Variants in GNAI1 observed in about 807,000 individuals in gnomAD.
GNAI1 encodes guanine nucleotide-binding protein G(i) subunit alpha-1.
In GNAI1, 11 loss-of-function variants were observed where a neutral mutation model predicts 38.9. The ratio of observed to expected loss-of-function variants is 0.28; its 90% confidence interval spans 0.18 to 0.47. The LOEUF (loss-of-function observed/expected upper bound fraction) is 0.47. GNAI1 is among the 20% of genes least tolerant of loss of function. GNAI1 has a pLI of 0.99. For missense variants in GNAI1, 317 were observed against 436.9 expected (o/e 0.73, Z 2.45); for synonymous variants, 166 against 145.1 (o/e 1.14, Z -1.04).
intron 1 of GNAI1, among the ~76,000 whole-genome samples, chr7:80,158,353 T>A (rs1787855226): frequency 6.6e-6 from 1 of 152,184 alleles, no homozygotes; most frequent in South Asian, 2.1e-4. Context: ...CTTATGAAAT[T>A]CTTGTTTTCT....
At chr7:80,165,631 T>G (rs1308820834) in intron 1 of GNAI1, among the ~76,000 whole-genome samples, 5 of 152,220 alleles carry the variant, frequency 3.3e-5, no homozygotes, top group Non-Finnish European at 5.9e-5. Flanking sequence ...CTTGTGAAAT[T>G]GAACATACTG....
intron 1 of GNAI1, among the ~76,000 whole-genome samples, chr7:80,170,768 C>T (rs1788087235): frequency 6.6e-6 from 1 of 152,124 alleles, no homozygotes; most frequent in African/African-American, 2.4e-5. Context: ...AGTCACCTTC[C>T]ACCAGCTCCA....
chr7:80,178,892 C>T (rs879267395), intron 1 of GNAI1, among the ~76,000 whole-genome samples: 2 of 152,054 alleles, frequency 1.3e-5, no homozygotes, highest in Non-Finnish European at 2.9e-5. Flanking sequence ...TCTCAAATTA[C>T]GATGTAGAAT....
intron 1 of GNAI1, among the ~76,000 whole-genome samples, chr7:80,144,410 G>A (rs1787582005): frequency 6.6e-6 from 1 of 152,102 alleles, no homozygotes; most frequent in South Asian, 2.1e-4. Context: ...GATTATAACG[G>A]ATTTACTTTT....
At chr7:80,138,099 G>T (rs779391405) in intron 1 of GNAI1, among the ~76,000 whole-genome samples, 6 of 152,098 alleles carry the variant, frequency 3.9e-5, no homozygotes, top group Non-Finnish European at 7.4e-5. Context: ...ACATTAGATC[G>T]TGTTCATCTT....
intron 1 of GNAI1, among the ~76,000 whole-genome samples, chr7:80,186,190 G>A (rs767692227): frequency 1.1e-4 from 16 of 151,830 alleles, no homozygotes; most frequent in Admixed American, 3.9e-4. Flanking sequence ...CTACCACCAC[G>A]CCCAGTTAAT....
intron 1 of GNAI1, among the ~76,000 whole-genome samples, chr7:80,153,926 ATTAT>A (rs568787719): frequency 4.8e-4 from 73 of 152,074 alleles, no homozygotes; most frequent in African/African-American, 1.7e-3. Flanking sequence ...AAATTAATTA[ATTAT>A]TTATTTATTT....
chr7:80,146,593 C>T (rs1292742356), intron 1 of GNAI1, among the ~76,000 whole-genome samples: 1 of 151,990 alleles, frequency 6.6e-6, no homozygotes, highest in Non-Finnish European at 1.5e-5. Flanking sequence ...AATTTTGAAT[C>T]TTTCAAAATG....
chr7:80,135,065 T>G lies in GNAI1; in HGVS notation c.-96T>G. The G allele has an allele frequency of 6.5e-6, 5 of 773,412 alleles. No homozygotes were observed. Among genetic ancestry groups the G allele is most frequent in the Non-Finnish European group, 9.3e-6 (5 of 540,394 alleles). 47.9% of individuals were successfully genotyped at this position (773,412 alleles called of 1,614,324 possible). A position where few individuals can be genotyped will look rare whatever the true frequency, so the allele number is the denominator to read the frequency against. ...GCGGCGTGGCCCCCGTCGGGAGGCGTTCGAACGCCCGCTAGGAGAGAGAAA... is the reference window on the plus strand; with the variant it reads ...GCGGCGTGGCCCCCGTCGGGAGGCGGTCGAACGCCCGCTAGGAGAGAGAAA... On this transcript the variant is annotated 5_prime_UTR_variant, in exon 1 of 8. Coordinates refer to ENST00000649796, the MANE Select transcript of GNAI1 (RefSeq NM_002069.6).
chr7:80,165,012 C>T (rs73378656), intron 1 of GNAI1, among the ~76,000 whole-genome samples: 4,417 of 152,176 alleles, frequency 0.029, 113 homozygotes, highest in African/African-American at 0.073. Flanking sequence ...AAAGCTCAGA[C>T]TTTATATGTG....
chr7:80,177,014 G>A (rs1341556433), intron 1 of GNAI1, among the ~76,000 whole-genome samples: 4 of 143,172 alleles, frequency 2.8e-5, no homozygotes, highest in Non-Finnish European at 6.0e-5. Flanking sequence ...AAGCATGGAT[G>A]ACAGCATATC....
chr7:80,200,806 A>C (rs1215793637), intron 4 of GNAI1, among the ~76,000 whole-genome samples: 1 of 152,232 alleles, frequency 6.6e-6, no homozygotes, highest in Non-Finnish European at 1.5e-5. Context: ...TGGTTTATAC[A>C]TGTATATATA....
At chr7:80,151,055 C>T (rs1437479539) in intron 1 of GNAI1, among the ~76,000 whole-genome samples, 4 of 152,112 alleles carry the variant, frequency 2.6e-5, no homozygotes, top group African/African-American at 9.7e-5. Context: ...ATTCAGGAGC[C>T]TCTGTGGTTT....
chr7:80,170,135 A>G (rs1175234865), intron 1 of GNAI1, among the ~76,000 whole-genome samples: 1 of 152,178 alleles, frequency 6.6e-6, no homozygotes, highest in Non-Finnish European at 1.5e-5. Flanking sequence ...ATTCATGTAC[A>G]ACTTTTTGCC....
Position 80,217,288 on chromosome 7 carries a change from C to A in GNAI1, c.875-15C>A. The A allele has an allele frequency of 2.1e-6, 3 of 1,445,332 alleles. No homozygotes were observed. Among genetic ancestry groups the A allele is most frequent in the South Asian group, 1.5e-5 (1 of 68,954 alleles). 89.5% of individuals were successfully genotyped at this position (1,445,332 alleles called of 1,614,324 possible). On this transcript the variant is annotated splice_polypyrimidine_tract_variant and intron_variant, in intron 7 of 7. Transcript: ENST00000649796. ...AACTTTTTGCATTTATGTTTCTTTCCTTTTTCCATCTCAGGATCAAACACA... is the reference window on the plus strand; with the variant it reads ...AACTTTTTGCATTTATGTTTCTTTCATTTTTCCATCTCAGGATCAAACACA...
At chr7:80,154,958 A>T (rs561268604) in intron 1 of GNAI1, among the ~76,000 whole-genome samples, 13 of 152,170 alleles carry the variant, frequency 8.5e-5, no homozygotes, top group African/African-American at 3.1e-4. Context: ...ATATAGTTTG[A>T]TCTTTAGTGA....
intron 5 of GNAI1, among the ~76,000 whole-genome samples, chr7:80,205,423 T>TA (rs1788756616): frequency 6.6e-6 from 1 of 152,126 alleles, no homozygotes; most frequent in African/African-American, 2.4e-5. Context: ...GCTTTATAGA[T>TA]ACGTTGACCC....
chr7:80,163,650 C>T (rs2523191), intron 1 of GNAI1, among the ~76,000 whole-genome samples: 9,332 of 152,212 alleles, frequency 0.061, 380 homozygotes, highest in Non-Finnish European at 0.088. Context: ...CAGTAGTTTT[C>T]CTTTTGTCTT....
intron 1 of GNAI1, among the ~76,000 whole-genome samples, chr7:80,176,136 C>T (rs1018627090): frequency 5.9e-5 from 9 of 152,192 alleles, no homozygotes; most frequent in African/African-American, 1.9e-4. Flanking sequence ...GCAATGGACA[C>T]ACGAATGATA....
Sources: allele counts gnomAD v4.1 joint callset (sites outside exome capture counted in the v4.1 genomes callset), GRCh38; gene constraint gnomAD v4.1.1; transcripts MANE v1.5; gene names NCBI Gene and HGNC (gene_info 2026-07-23, HGNC 2026-07-21).